The following RIMS2 variants were observed in gnomAD, a reference collection of about 807,000 sequenced individuals.
The protein encoded by RIMS2 is regulating synaptic membrane exocytosis 2.
Under a neutral mutation model 174.4 loss-of-function variants are expected in RIMS2, and 59 were observed. The ratio of observed to expected loss-of-function variants is 0.34; its 90% CI spans 0.27 to 0.42. RIMS2 has a LOEUF of 0.42. Ranked by LOEUF, RIMS2 falls within the 10% of genes least tolerant of loss-of-function variation. The pLI, the probability that RIMS2 is intolerant of heterozygous loss-of-function variation, is 1.00. For synonymous variants in RIMS2, 606 were observed against 572.5 expected (o/e 1.06, Z -0.84); for missense variants, 1,620 against 1,666.3 (o/e 0.97, Z 0.48).
intron 3 of RIMS2, among the ~76,000 whole-genome samples, chr8:103,850,343 A>G (rs1050266361): frequency 1.3e-5 from 2 of 152,150 alleles, no homozygotes; most frequent in South Asian, 4.1e-4. Flanking sequence ...ATTTCAAAAT[A>G]TAATATATAC....
chr8:103,792,780 A>G (rs2098512461), intron 3 of RIMS2, among the ~76,000 whole-genome samples: 1 of 152,168 alleles, frequency 6.6e-6, no homozygotes, highest in African/African-American at 2.4e-5. Context: ...AATACAAACT[A>G]CCATCAGAGA....
At chr8:103,520,093 T>C (rs910221938) in intron 1 of RIMS2, among the ~76,000 whole-genome samples, 1 of 152,136 alleles carries the variant, frequency 6.6e-6, no homozygotes, top group African/African-American at 2.4e-5. Context: ...CAGTTACTAA[T>C]TTTGTGACCT....
chr8:103,581,318 G>A (rs1214147672), intron 1 of RIMS2, among the ~76,000 whole-genome samples: 1 of 152,128 alleles, frequency 6.6e-6, no homozygotes, highest in Non-Finnish European at 1.5e-5. Context: ...AATCAAGCAT[G>A]GGCCAACATA....
chr8:103,646,036 C>T lies in RIMS2; in HGVS notation c.177-51050C>T, dbSNP rs536863482. Among the ~76,000 whole-genome samples the T allele has an allele frequency of 7.2e-5, 11 of 151,990 alleles. No individual in the cohort carries two copies. In the East Asian group the frequency reaches 2.1e-3, roughly 30 times the overall value. ...ATTACAGTCAAAGGGGGGTTGTTCT[C>T]TGGTGGGCAGTTGTGGGGTTCACAA... On this transcript the variant is annotated intron_variant, in intron 1 of 23. Coordinates refer to ENST00000504942, the Ensembl canonical transcript of RIMS2.
At chr8:103,710,706 G>T (rs1031139106) in intron 2 of RIMS2, among the ~76,000 whole-genome samples, 40 of 151,970 alleles carry the variant, frequency 2.6e-4, no homozygotes, top group African/African-American at 2.4e-4. Flanking sequence ...AATAAATAAT[G>T]TACATTTCCA....
At chr8:104,007,320 G>C (rs147059929) in intron 17 of RIMS2, among the ~76,000 whole-genome samples, 1 of 152,196 alleles carries the variant, frequency 6.6e-6, no homozygotes, top group East Asian at 1.9e-4. Context: ...CGCTACTGCT[G>C]AATTATTCTT....
chr8:103,581,438 AGAC>A (rs1328228475), intron 1 of RIMS2, among the ~76,000 whole-genome samples: 1 of 152,230 alleles, frequency 6.6e-6, no homozygotes, highest in African/African-American at 2.4e-5. Flanking sequence ...TTTATGCCAA[AGAC>A]CCTCAACACA....
At chr8:103,786,934 G>C in intron 3 of RIMS2, among the ~76,000 whole-genome samples, 1 of 151,688 alleles carries the variant, frequency 6.6e-6, no homozygotes, top group African/African-American at 2.4e-5. Flanking sequence ...CTCACGACTT[G>C]CTCTATGAAT....
intron 3 of RIMS2, among the ~76,000 whole-genome samples, chr8:103,845,572 A>T (rs1222678352): frequency 2.0e-5 from 3 of 152,124 alleles, no homozygotes; most frequent in African/African-American, 7.2e-5. Flanking sequence ...TATGCCCATG[A>T]TTTCACAACT....
chr8:104,088,921 A>C (rs1159790336), intron 19 of RIMS2, among the ~76,000 whole-genome samples: 1 of 152,010 alleles, frequency 6.6e-6, no homozygotes, highest in Non-Finnish European at 1.5e-5. Flanking sequence ...GATATATAGG[A>C]AGAACATTAA....
chr8:103,847,087 C>T (rs548262469), intron 3 of RIMS2, among the ~76,000 whole-genome samples: 10 of 151,524 alleles, frequency 6.6e-5, no homozygotes, highest in African/African-American at 1.9e-4. Flanking sequence ...TCACAGTGAC[C>T]GGGCAGTAGC....
intron 19 of RIMS2, among the ~76,000 whole-genome samples, chr8:104,065,450 G>A (rs986369017): frequency 2.6e-5 from 4 of 152,024 alleles, no homozygotes; most frequent in Non-Finnish European, 5.9e-5. Flanking sequence ...TAGAGCAAAG[G>A]ACCAGCAAAG....
rs182578934 is a variant in RIMS2 at position 103,938,719 on chromosome 8, A to G, written c.2547+1997A>G. On this transcript the variant is annotated intron_variant, in intron 13 of 23. Transcript: ENST00000504942. Reference sequence around the variant, plus strand: ...GAGACAAGGTAAGTCCTTTCTGCCTATGAGACTGTGTAATCAAAAGCAAGT... The same window carrying G: ...GAGACAAGGTAAGTCCTTTCTGCCTGTGAGACTGTGTAATCAAAAGCAAGT... 3.4e-3 allele frequency among the ~76,000 whole-genome samples: 514 copies of G among 152,336 alleles called. 2 individuals are homozygous for G. Among genetic ancestry groups the G allele is most frequent in the African/African-American group, 0.011 (478 of 41,576 alleles).
At chr8:103,610,333 G>T (rs2095324380) in intron 1 of RIMS2, among the ~76,000 whole-genome samples, 1 of 152,090 alleles carries the variant, frequency 6.6e-6, no homozygotes, top group Non-Finnish European at 1.5e-5. Context: ...TCTTTTTCAT[G>T]TCTCATTGCT....
intron 2 of RIMS2, 87 bp downstream of exon 5, chr8:103,716,407 T>G (rs886145234): frequency 6.6e-6 from 1 of 152,066 alleles, no homozygotes; most frequent in Non-Finnish European, 1.5e-5. Flanking sequence ...TTAATTTATA[T>G]ACTTCTCAGT....
At chr8:103,753,345 T>A (rs928433919) in intron 2 of RIMS2, among the ~76,000 whole-genome samples, 1 of 152,244 alleles carries the variant, frequency 6.6e-6, no homozygotes, top group Non-Finnish European at 1.5e-5. Context: ...GCCAGTGTTT[T>A]ATTGAGGATT....
At chr8:104,028,002 C>T (rs1178819984) in intron 19 of RIMS2, among the ~76,000 whole-genome samples, 1 of 151,996 alleles carries the variant, frequency 6.6e-6, no homozygotes, top group African/African-American at 2.4e-5. Flanking sequence ...GTGATAATAA[C>T]TCACTGCAGC....
At chr8:103,580,128 A>G (rs2093519086) in intron 1 of RIMS2, among the ~76,000 whole-genome samples, 1 of 152,134 alleles carries the variant, frequency 6.6e-6, no homozygotes, top group African/African-American at 2.4e-5. Context: ...AGAAAGGAAG[A>G]GAGGAATTAC....
intron 19 of RIMS2, among the ~76,000 whole-genome samples, chr8:104,119,379 A>T (rs1352871601): frequency 6.6e-6 from 1 of 151,854 alleles, no homozygotes. Context: ...AAAAACAAAA[A>T]AAACCCATAA....
Sources: gnomAD v4.1 joint callset for allele counts (sites outside exome capture counted in the v4.1 genomes callset) on GRCh38, gnomAD v4.1.1 for gene constraint, MANE v1.5 for transcripts, NCBI Gene and HGNC (gene_info 2026-07-23, HGNC 2026-07-21) for gene names.